NHERF1: variants seen among roughly 807,000 people sequenced by gnomAD.
NHERF1 encodes Na(+)/H(+) exchange regulatory cofactor NHE-RF1.
the NHERF1 span, among the ~76,000 whole-genome samples, chr17:74,764,441 G>A: frequency 1.3e-5 from 2 of 152,144 alleles, no homozygotes; most frequent in Non-Finnish European, 2.9e-5. The surrounding 1 kb of genome is among the most constrained non-coding windows in gnomAD (Gnocchi z 4.9). Context: ...CATGGGAGGT[G>A]GGGTACCGCC....
At chr17:74,769,136 T>A in the NHERF1 span, 2 of 168,520 alleles carry the variant, frequency 1.2e-5, no homozygotes, top group African/African-American at 4.8e-5. Context: ...AGTGCAGTAT[T>A]GCAGAGTCTA....
chr17:74,760,528 G>A, the NHERF1 span, among the ~76,000 whole-genome samples: 2 of 150,960 alleles, frequency 1.3e-5, no homozygotes, highest in Non-Finnish European at 2.9e-5. The surrounding 1 kb of genome is among the most constrained non-coding windows in gnomAD (Gnocchi z 4.5). Context: ...CCTGCAGATG[G>A]TGGCGGCCTC....
chr17:74,749,397 C>T, the NHERF1 span: 1 of 1,093,896 alleles, frequency 9.1e-7, no homozygotes, highest in Non-Finnish European at 1.3e-6. The surrounding 1 kb of genome is among the most constrained non-coding windows in gnomAD (Gnocchi z 5.6). Flanking sequence ...TTCTGAAACT[C>T]GAGCTGCGAG....
chr17:74,762,250 C>T, the NHERF1 span: 1 of 1,532,508 alleles, frequency 6.5e-7, no homozygotes, highest in African/African-American at 1.4e-5. The surrounding 1 kb of genome is among the most constrained non-coding windows in gnomAD (Gnocchi z 4.2). Flanking sequence ...AGCCATCATA[C>T]CATCATGGGC....
chr17:74,748,856 G>A, the NHERF1 span: 1 of 1,593,268 alleles, frequency 6.3e-7, no homozygotes, highest in South Asian at 1.1e-5. The surrounding 1 kb of genome is among the most constrained non-coding windows in gnomAD (Gnocchi z 4.3). Context: ...GATGAGCGCG[G>A]ACGCAGCGGC....
the NHERF1 span, chr17:74,749,311 G>T: frequency 6.6e-7 from 1 of 1,522,320 alleles, no homozygotes; most frequent in Non-Finnish European, 8.8e-7. This position sits in a 1 kb window ranked among gnomAD's most constrained non-coding sequence, Gnocchi z 5.6. Context: ...AAGCCGCGCA[G>T]GCTGGCATGG....
At chr17:74,759,342 C>T in the NHERF1 span, among the ~76,000 whole-genome samples, 5 of 152,248 alleles carry the variant, frequency 3.3e-5, no homozygotes, top group African/African-American at 7.2e-5. Context: ...GCTGGCAGAG[C>T]GGAGCAAGGC....
At chr17:74,748,884 G>A in the NHERF1 span, 2 of 1,597,524 alleles carry the variant, frequency 1.3e-6, no homozygotes, top group Non-Finnish European at 1.7e-6. This position sits in a 1 kb window ranked among gnomAD's most constrained non-coding sequence, Gnocchi z 4.3. Context: ...CCCCTGCCCC[G>A]GCTCTGCTGC....
At chr17:74,764,637 C>T in the NHERF1 span, among the ~76,000 whole-genome samples, 4 of 152,354 alleles carry the variant, frequency 2.6e-5, no homozygotes, top group Middle Eastern at 6.8e-3. The surrounding 1 kb of genome is among the most constrained non-coding windows in gnomAD (Gnocchi z 4.9). Context: ...CCCACCCCTT[C>T]ACCCTGCAGG....
chr17:74,764,536 GC>G, the NHERF1 span, among the ~76,000 whole-genome samples: 2 of 152,142 alleles, frequency 1.3e-5, no homozygotes, highest in African/African-American at 4.8e-5. This position sits in a 1 kb window ranked among gnomAD's most constrained non-coding sequence, Gnocchi z 4.9. Context: ...GCCCAGAGAA[GC>G]CCCAGCCTTC....
the NHERF1 span, chr17:74,768,754 C>T: frequency 2.0e-6 from 2 of 982,252 alleles, no homozygotes; most frequent in Non-Finnish European, 3.1e-6. Flanking sequence ...ATGTACAAAT[C>T]AGCACCCACA....
chr17:74,752,555 G>A, the NHERF1 span, among the ~76,000 whole-genome samples: 6 of 151,758 alleles, frequency 4.0e-5, no homozygotes, highest in African/African-American at 1.5e-4. Context: ...GAGTGGTGTC[G>A]CAACCTCGCC....
chr17:74,748,870 G>A, the NHERF1 span: 4 of 1,595,572 alleles, frequency 2.5e-6, no homozygotes, highest in Non-Finnish European at 2.5e-6. The surrounding 1 kb of genome is among the most constrained non-coding windows in gnomAD (Gnocchi z 4.3). Flanking sequence ...CAGCGGCCGG[G>A]GCGCCCCTGC....
chr17:74,759,270 C>G, the NHERF1 span, among the ~76,000 whole-genome samples: 2 of 152,364 alleles, frequency 1.3e-5, no homozygotes, highest in South Asian at 4.1e-4. Context: ...GGGAAGGAAA[C>G]AGAGGGCACC....
chr17:74,761,012 C>T, the NHERF1 span, among the ~76,000 whole-genome samples: 1 of 152,212 alleles, frequency 6.6e-6, no homozygotes, highest in Admixed American at 6.5e-5. This position sits in a 1 kb window ranked among gnomAD's most constrained non-coding sequence, Gnocchi z 4.3. Context: ...GGGACTCAGG[C>T]GTAGTCCTTG....
chr17:74,762,215 C>A, the NHERF1 span: 12 of 1,608,410 alleles, frequency 7.5e-6, no homozygotes, highest in East Asian at 2.0e-4. The surrounding 1 kb of genome is among the most constrained non-coding windows in gnomAD (Gnocchi z 4.2). Context: ...GCCCCCACCC[C>A]CTGCAGATCA....
chr17:74,757,736 G>GAC, the NHERF1 span, among the ~76,000 whole-genome samples: 1 of 152,114 alleles, frequency 6.6e-6, no homozygotes, highest in African/African-American at 2.4e-5. Flanking sequence ...ACATACTCCT[G>GAC]ACACACACAC....
At chr17:74,761,277 C>G in the NHERF1 span, among the ~76,000 whole-genome samples, 1 of 152,186 alleles carries the variant, frequency 6.6e-6, no homozygotes, top group African/African-American at 2.4e-5. The surrounding 1 kb of genome is among the most constrained non-coding windows in gnomAD (Gnocchi z 4.3). Context: ...TTTCTGGGGT[C>G]TCTGTGCTTC....
At chr17:74,763,726 A>C in the NHERF1 span, among the ~76,000 whole-genome samples, 1 of 152,080 alleles carries the variant, frequency 6.6e-6, no homozygotes, top group African/African-American at 2.4e-5. Context: ...GTTTCTGAGG[A>C]CGGCTTGTGA....
Sources: allele counts gnomAD v4.1 joint callset (sites outside exome capture counted in the v4.1 genomes callset), GRCh38; gene constraint gnomAD v4.1.1; non-coding constraint Gnocchi (gnomAD v3.1); transcripts MANE v1.5; gene names NCBI Gene and HGNC (gene_info 2026-07-23, HGNC 2026-07-21).